CKLF: variants seen among roughly 807,000 people sequenced by gnomAD.
CKLF encodes the protein chemokine-like factor.
In CKLF, 16 loss-of-function variants were observed where a neutral mutation model predicts 12.9. That is an observed-to-expected ratio of 1.24 (90% confidence interval 0.84 to 1.88). The LOEUF (loss-of-function observed/expected upper bound fraction) is 1.88. CKLF is among the 40% of genes most tolerant of loss of function. The probability of loss-of-function intolerance (pLI) is 0.00; values close to 1 mark genes in which losing one functional copy is unlikely to be tolerated. For missense variants in CKLF, 172 were observed against 188.5 expected (o/e 0.91, Z 0.51); for synonymous variants, 61 against 69.0 (o/e 0.88, Z 0.57).
intron 2 of CKLF, among the ~76,000 whole-genome samples, chr16:66,560,859 CT>C (rs1304734530): frequency 2.6e-5 from 4 of 151,862 alleles, no homozygotes; most frequent in Admixed American, 2.6e-4. Flanking sequence ...TCTCTGCCCC[CT>C]GGTGACCTTT....
intron 1 of CKLF, among the ~76,000 whole-genome samples, chr16:66,555,810 T>C (rs958223559): frequency 5.3e-5 from 8 of 152,144 alleles, no homozygotes; most frequent in African/African-American, 1.7e-4. Context: ...GCAGTAGTTG[T>C]AAGGATGAAG....
chr16:66,555,242 CA>C (rs1346086366), intron 1 of CKLF, among the ~76,000 whole-genome samples: 1 of 152,080 alleles, frequency 6.6e-6, no homozygotes, highest in African/African-American at 2.4e-5. Context: ...GTCTCAAAAA[CA>C]AACAAAAATA....
intron 2 of CKLF, among the ~76,000 whole-genome samples, chr16:66,562,888 T>G (rs1163917618): frequency 5.3e-5 from 8 of 152,042 alleles, no homozygotes; most frequent in Non-Finnish European, 1.2e-4. Flanking sequence ...GTCTGGCTAA[T>G]TTTTGTTTTT....
chr16:66,558,123 T>A, intron 1 of CKLF, 67 bp from the exon 2 acceptor site: 4 of 1,583,148 alleles, frequency 2.5e-6, no homozygotes, highest in Non-Finnish European at 1.7e-6. Context: ...TTTTAGAAAT[T>A]GTCATTTTTA....
intron 1 of CKLF, among the ~76,000 whole-genome samples, chr16:66,557,168 A>AT (rs967676212): frequency 3.3e-5 from 5 of 151,768 alleles, no homozygotes; most frequent in Admixed American, 6.6e-5. Context: ...TTCTCTGACA[A>AT]TTTTTTTTGT....
chr16:66,562,498 C>A (rs1410361298), intron 2 of CKLF, among the ~76,000 whole-genome samples: 2 of 152,086 alleles, frequency 1.3e-5, no homozygotes, highest in African/African-American at 4.8e-5. Flanking sequence ...ACTTTATTTC[C>A]TAATCAGATG....
rs1231357831 is a variant in CKLF at position 66,552,621 on chromosome 16, G to C, written c.-95G>C. ...GAGAAGTAGGGGAGGGCGGTGCTCC[G>C]CCGCGGTGGCGGTTGCTATCGCTTC... On this transcript the variant is annotated 5_prime_UTR_variant, in exon 1 of 4. Coordinates refer to ENST00000264001, the MANE Select transcript of CKLF (RefSeq NM_016951.4). 1 of 1,591,086 alleles carries C rather than the reference G, an allele frequency of 6.3e-7. No individual in the cohort carries two copies. Among genetic ancestry groups the C allele is most frequent in the Non-Finnish European group, 8.6e-7 (1 of 1,162,238 alleles).
intron 3 of CKLF, among the ~76,000 whole-genome samples, chr16:66,565,274 CTCAGATAGCCA>C (rs1289425037): frequency 1.9e-4 from 29 of 152,150 alleles, no homozygotes; most frequent in Admixed American, 1.6e-3. Flanking sequence ...GGCACCAGCT[CTCAGATAGCCA>C]TCAGAGTGTC....
At position 66,563,134 on chromosome 16, in the gene CKLF, T is replaced by G; in HGVS notation, c.250T>G (p.Ser84Ala). Reference protein sequence around the residue: ...LFWPLLDIINSLVTTVFMLIV... With the variant: ...LFWPLLDIINALVTTVFMLIV... Reference sequence around the variant, plus strand: ...TGTGTGTTTTTAGGATATTATCAACTCACTGGTAACAACAGTATTCATGCT... The same window carrying G: ...TGTGTGTTTTTAGGATATTATCAACGCACTGGTAACAACAGTATTCATGCT... Residue 84 changes from serine to alanine, a missense_variant, in exon 3 of 4, where the codon TCA becomes GCA. Coordinates refer to ENST00000264001, the MANE Select transcript of CKLF (RefSeq NM_016951.4). 1 of 1,614,146 alleles carries G rather than the reference T, an allele frequency of 6.2e-7. No individual in the cohort carries two copies. Among genetic ancestry groups the G allele is most frequent in the Non-Finnish European group, 8.5e-7 (1 of 1,180,024 alleles).
chr16:66,555,866 G>A (rs186514074), intron 1 of CKLF, among the ~76,000 whole-genome samples: 4 of 152,304 alleles, frequency 2.6e-5, no homozygotes, highest in Admixed American at 6.5e-5. Context: ...AGCAGGACCC[G>A]ATTATTGATC....
chr16:66,562,027 T>G (rs1283158107), intron 2 of CKLF, among the ~76,000 whole-genome samples: 5 of 152,134 alleles, frequency 3.3e-5, no homozygotes, highest in Admixed American at 2.6e-4. Flanking sequence ...GAGATGTCTG[T>G]GGGGGTTTCC....
At chr16:66,560,639 G>A (rs2011641532) in intron 2 of CKLF, among the ~76,000 whole-genome samples, 1 of 152,142 alleles carries the variant, frequency 6.6e-6, no homozygotes, top group African/African-American at 2.4e-5. Flanking sequence ...CTCAGAGAGA[G>A]TGTAGAGAGA....
At chr16:66,552,937 G>T in intron 1 of CKLF, 144 bp downstream of exon 1, 1 of 1,154,192 alleles carries the variant, frequency 8.7e-7, no homozygotes, top group Non-Finnish European at 1.3e-6. Flanking sequence ...CCTCCTTGGG[G>T]AAGAAGGAGA....
chr16:66,552,938 A>G, intron 1 of CKLF, 145 bp downstream of exon 1: 1 of 1,155,828 alleles, frequency 8.7e-7, no homozygotes, highest in East Asian at 2.6e-5. Context: ...CTCCTTGGGG[A>G]AGAAGGAGAG....
intron 2 of CKLF, 164 bp downstream of exon 2, chr16:66,558,512 A>G: frequency 1.1e-6 from 1 of 949,378 alleles, no homozygotes; most frequent in South Asian, 1.9e-5. Context: ...GCTTTGGGAG[A>G]GGGTCTCAAG....
chr16:66,557,145 A>G (rs758134364), intron 1 of CKLF, among the ~76,000 whole-genome samples: 74 of 152,108 alleles, frequency 4.9e-4, no homozygotes, highest in Non-Finnish European at 2.6e-4. Flanking sequence ...GCTATTAAAC[A>G]TCAGAATTGT....
intron 2 of CKLF, among the ~76,000 whole-genome samples, chr16:66,559,017 T>C (rs572487400): frequency 6.6e-6 from 1 of 152,278 alleles, no homozygotes; most frequent in East Asian, 1.9e-4. Flanking sequence ...TAGAAGCTGA[T>C]TCTAAGAAAA....
chr16:66,563,688 C>A (rs889831126), intron 3 of CKLF, among the ~76,000 whole-genome samples: 2 of 152,182 alleles, frequency 1.3e-5, no homozygotes, highest in African/African-American at 4.8e-5. Context: ...GATGTCCTTA[C>A]GGTAAGAGAA....
chr16:66,556,798 A>G (rs2144527106), intron 1 of CKLF, among the ~76,000 whole-genome samples: 1 of 152,348 alleles, frequency 6.6e-6, no homozygotes. Flanking sequence ...AGTAATTGGA[A>G]GAATTATGAA....
Sources: gnomAD v4.1 joint callset for allele counts (sites outside exome capture counted in the v4.1 genomes callset) on GRCh38, gnomAD v4.1.1 for gene constraint, MANE v1.5 for transcripts, NCBI Gene and HGNC (gene_info 2026-07-23, HGNC 2026-07-21) for gene names.